The following DYNC2H1 variants were observed in gnomAD, a reference collection of about 807,000 sequenced individuals.
The protein encoded by DYNC2H1 is cytoplasmic dynein 2 heavy chain 1.
A neutral mutation model predicts 570.0 loss-of-function variants in DYNC2H1; 410 were observed. That is an observed-to-expected ratio of 0.72 (90% CI 0.66 to 0.78). DYNC2H1 has a LOEUF of 0.78. DYNC2H1 is among the 30% of genes least tolerant of loss of function. The pLI is 0.00. For synonymous variants in DYNC2H1, 1,688 were observed against 1,677.6 expected, an observed-to-expected ratio of 1.01 and a Z score of -0.15; for missense variants, 4,865 against 5,046.4, an observed-to-expected ratio of 0.96 and a Z score of 1.09.
At chr11:103,468,730 G>T in intron 88 of DYNC2H1, 25 bp downstream of exon 88, 1 of 1,508,218 alleles carries the variant, frequency 6.6e-7, no homozygotes, top group Non-Finnish European at 9.2e-7. Context: ...ACAAGCACAA[G>T]TTTTAATTAT....
chr11:103,166,990 C>CTTTTTTTTT (rs34816989), intron 31 of DYNC2H1, among the ~76,000 whole-genome samples: 11 of 56,982 alleles, frequency 1.9e-4, no homozygotes, highest in South Asian at 1.0e-3. Flanking sequence ...GAGGCGCTGC[C>CTTTTTTTTT]TTTTTTTTTT....
chr11:103,348,213 C>G (rs1591613845), intron 82 of DYNC2H1, among the ~76,000 whole-genome samples: 1 of 152,238 alleles, frequency 6.6e-6, no homozygotes, highest in East Asian at 1.9e-4. Context: ...TTAACTGACC[C>G]TAGCCCAATT....
At chr11:103,180,207 A>C (rs957758667) in intron 39 of DYNC2H1, among the ~76,000 whole-genome samples, 1 of 151,688 alleles carries the variant, frequency 6.6e-6, no homozygotes, top group African/African-American at 2.4e-5. Context: ...TTGTGAGAAA[A>C]ATAGAATAAA....
At chr11:103,400,166 C>T (rs1271996597) in intron 84 of DYNC2H1, among the ~76,000 whole-genome samples, 3 of 152,280 alleles carry the variant, frequency 2.0e-5, no homozygotes, top group African/African-American at 7.2e-5. Flanking sequence ...GTCCCCTATA[C>T]ATGAGCTTGA....
intron 85 of DYNC2H1, among the ~76,000 whole-genome samples, chr11:103,438,511 C>T (rs1687987565): frequency 1.4e-5 from 2 of 141,126 alleles, no homozygotes; most frequent in South Asian, 4.9e-4. Context: ...AGACTCAATC[C>T]AAACAGGTAT....
chr11:103,366,208 G>C (rs1940901965), intron 83 of DYNC2H1, among the ~76,000 whole-genome samples: 1 of 152,130 alleles, frequency 6.6e-6, no homozygotes, highest in Non-Finnish European at 1.5e-5. Flanking sequence ...ACTTTTCATT[G>C]CTAATACAGA....
At position 103,220,026 on chromosome 11, in the gene DYNC2H1, CAAGT is replaced by C; in HGVS notation, c.8946+3_8946+6del. The C allele has an allele frequency of 7.1e-7, 1 of 1,409,294 alleles. No homozygotes were observed. The highest frequency in any genetic ancestry group is 9.4e-7 in the Non-Finnish European group (1 of 1,063,924). 87.3% of individuals were successfully genotyped at this position (1,409,294 alleles called of 1,614,324 possible). A position where few individuals can be genotyped will look rare whatever the true frequency, so the allele number is the denominator to read the frequency against. On this transcript the variant is annotated splice_donor_variant and coding_sequence_variant, in exon 56 of 89. Coordinates refer to ENST00000375735, the MANE Select transcript of DYNC2H1 (RefSeq NM_001377.3). LOFTEE classifies it high-confidence loss of function. ...AATTGATGATGAATTAAAAGAAGTA[CAAGT>C]AAGTTAAAAAACATTCTAAGATCCA... is the stretch of plus-strand genomic sequence containing the variant.
At chr11:103,202,037 G>C (rs1025192699) in intron 50 of DYNC2H1, among the ~76,000 whole-genome samples, 60 of 152,218 alleles carry the variant, frequency 3.9e-4, no homozygotes, top group African/African-American at 1.4e-3. Context: ...GAATTTAACA[G>C]CTTTGGTTAA....
At chr11:103,223,133 A>C in intron 59 of DYNC2H1, 47 bp downstream of exon 59, 8 of 1,487,240 alleles carry the variant, frequency 5.4e-6, no homozygotes, top group Non-Finnish European at 5.4e-6. Context: ...TATTTTCATC[A>C]GTTTGATGAG....
Position 103,296,247 on chromosome 11 carries a change from G to A in DYNC2H1, c.11096-6846G>A, listed in dbSNP as rs550449041. On this transcript the variant is annotated intron_variant, in intron 75 of 88. Transcript: ENST00000375735. The stretch of plus-strand genomic sequence containing the variant: ...TGTTCAATTTGATGTTCCTGAAGGG[G>A]ACAATTGCTGGAGGATTCTATTTGG... 7.9e-5 allele frequency among the ~76,000 whole-genome samples: 12 copies of A among 152,260 alleles called. No homozygotes were observed. In the East Asian group the frequency reaches 2.3e-3, roughly 29 times the overall value.
intron 48 of DYNC2H1, among the ~76,000 whole-genome samples, chr11:103,198,345 A>G (rs1331251184): frequency 1.3e-5 from 2 of 152,174 alleles, no homozygotes; most frequent in Non-Finnish European, 2.9e-5. Flanking sequence ...AGTGGTTGTC[A>G]AACTTTAGAG....
chr11:103,287,889 C>A (rs527338227), intron 75 of DYNC2H1: 2 of 309,228 alleles, frequency 6.5e-6, no homozygotes, highest in African/African-American at 2.2e-5. Flanking sequence ...TCACACAGAG[C>A]CGGCTGTGTG....
intron 85 of DYNC2H1, among the ~76,000 whole-genome samples, chr11:103,441,741 TAA>T (rs1565602625): frequency 1.3e-5 from 2 of 152,204 alleles, no homozygotes; most frequent in African/African-American, 4.8e-5. Flanking sequence ...AATCTACCCA[TAA>T]ATATTATGGT....
chr11:103,405,472 T>C (rs1191006954), intron 84 of DYNC2H1: 1 of 151,880 alleles, frequency 6.6e-6, no homozygotes, highest in Non-Finnish European at 1.5e-5. Context: ...AGTTCAGCCA[T>C]TTCCAGCACT....
intron 83 of DYNC2H1, among the ~76,000 whole-genome samples, chr11:103,380,118 T>C (rs1311049988): frequency 6.6e-6 from 1 of 152,192 alleles, no homozygotes; most frequent in Admixed American, 6.5e-5. Context: ...CAATTTTTGT[T>C]GAAAAGTAAA....
At chr11:103,149,644 T>C (rs1860436043) in intron 20 of DYNC2H1, among the ~76,000 whole-genome samples, 1 of 152,184 alleles carries the variant, frequency 6.6e-6, no homozygotes, top group Non-Finnish European at 1.5e-5. Flanking sequence ...GGTTATGAGC[T>C]GTGGCAGTTA....
chr11:103,259,741 C>T (rs887690727), intron 69 of DYNC2H1, 147 bp from the exon 70 acceptor site: 1 of 500,064 alleles, frequency 2.0e-6, no homozygotes, highest in Non-Finnish European at 3.5e-6. Context: ...TATTAGTATA[C>T]AAGTTTAATG....
intron 87 of DYNC2H1, 52 bp downstream of exon 87, chr11:103,456,408 T>G: frequency 7.0e-7 from 1 of 1,434,680 alleles, no homozygotes; most frequent in Non-Finnish European, 9.6e-7. Flanking sequence ...CCAACTGATA[T>G]AAGAGATTCT....
At chr11:103,265,687 A>G (rs1865478714) in intron 70 of DYNC2H1, among the ~76,000 whole-genome samples, 1 of 152,024 alleles carries the variant, frequency 6.6e-6, no homozygotes, top group African/African-American at 2.4e-5. Context: ...AGCCATCTCA[A>G]TGTGGTTGCT....
Sources: allele counts gnomAD v4.1 joint callset (sites outside exome capture counted in the v4.1 genomes callset), GRCh38; gene constraint gnomAD v4.1.1; transcripts MANE v1.5; gene names NCBI Gene and HGNC (gene_info 2026-07-23, HGNC 2026-07-21).